CCSER1: variants seen among roughly 807,000 people sequenced by gnomAD.
The protein encoded by CCSER1 is coiled-coil serine rich protein 1.
In CCSER1, 41 loss-of-function variants were observed where a neutral mutation model predicts 82.0. The ratio of observed to expected loss-of-function variants is 0.50; its 90% CI spans 0.39 to 0.65. The LOEUF is 0.65. CCSER1 is among the 30% of genes least tolerant of loss of function. The pLI, the probability that CCSER1 is intolerant of heterozygous loss-of-function variation, is 0.00. For missense variants in CCSER1, 1,119 were observed against 1,064.2 expected, an observed-to-expected ratio of 1.05 and a Z score of -0.72; for synonymous variants, 414 against 383.9, an observed-to-expected ratio of 1.08 and a Z score of -0.92.
intron 1 of CCSER1, among the ~76,000 whole-genome samples, chr4:90,257,593 A>ATACATAGATACT (rs201142568): frequency 3.7e-4 from 57 of 152,046 alleles, no homozygotes; most frequent in East Asian, 1.8e-3. Context: ...AGATACTTAG[A>ATACATAGATACT]TAGATAAAGA....
intron 5 of CCSER1, among the ~76,000 whole-genome samples, chr4:90,578,732 T>A (rs1334657164): frequency 6.6e-6 from 1 of 152,138 alleles, no homozygotes; most frequent in African/African-American, 2.4e-5. Flanking sequence ...CATGGCCATA[T>A]TTGGGGGGGC....
At chr4:90,997,820 TGA>T (rs1251693068) in intron 9 of CCSER1, among the ~76,000 whole-genome samples, 2 of 152,160 alleles carry the variant, frequency 1.3e-5, no homozygotes, top group Non-Finnish European at 2.9e-5. Flanking sequence ...AAGGCTACAC[TGA>T]GAGAAAATAA....
At chr4:90,379,652 G>A (rs1287136441) in intron 3 of CCSER1, among the ~76,000 whole-genome samples, 2 of 152,108 alleles carry the variant, frequency 1.3e-5, no homozygotes, top group African/African-American at 4.8e-5. Context: ...TGTTATGACT[G>A]AAATCTATAA....
At chr4:90,935,296 A>T (rs1374147535) in intron 9 of CCSER1, among the ~76,000 whole-genome samples, 1 of 151,988 alleles carries the variant, frequency 6.6e-6, no homozygotes. Context: ...TTCTCACTCT[A>T]TGAGTTCCTG....
chr4:90,395,378 T>C (rs2153541341), intron 3 of CCSER1, among the ~76,000 whole-genome samples: 1 of 152,378 alleles, frequency 6.6e-6, no homozygotes, highest in Non-Finnish European at 1.5e-5. Context: ...TTTCTTTTCA[T>C]CTTTTTCTTG....
intron 5 of CCSER1, among the ~76,000 whole-genome samples, chr4:90,505,863 G>A (rs1770605668): frequency 6.6e-6 from 1 of 152,016 alleles, no homozygotes; most frequent in African/African-American, 2.4e-5. Flanking sequence ...TTATCAGTAT[G>A]GTCTTGTAAA....
intron 1 of CCSER1, among the ~76,000 whole-genome samples, chr4:90,225,467 G>T (rs910583572): frequency 2.0e-5 from 3 of 152,012 alleles, no homozygotes; most frequent in African/African-American, 7.3e-5. Context: ...CTCTTGAGTG[G>T]GACAGATTTC....
intron 7 of CCSER1, among the ~76,000 whole-genome samples, chr4:90,806,320 A>G (rs1469980296): frequency 6.6e-6 from 1 of 152,152 alleles, no homozygotes; most frequent in Admixed American, 6.5e-5. Context: ...GAGATTGTGA[A>G]CTCCTTCAGA....
rs768938443 is a variant in CCSER1 at position 91,598,673 on chromosome 4, C to T, written c.2319C>T (p.Asp773=). 6.4e-7 allele frequency: 1 copy of T among 1,551,384 alleles called. No homozygotes were observed. Among genetic ancestry groups the T allele is most frequent in the East Asian group, 2.4e-5 (1 of 40,904 alleles). ...TEDRFRYSAA[D]QTSPYKNKTC... Reference sequence around the variant, plus strand: ...ACCGTTTTAGGTATTCGGCAGCGGACCAGACAAGCCCCTACAAAAACAAGA... The same window carrying T: ...ACCGTTTTAGGTATTCGGCAGCGGATCAGACAAGCCCCTACAAAAACAAGA... Residue 773 remains aspartate, a synonymous_variant, in exon 11 of 11, where the codon GAC becomes GAT. Transcript: ENST00000509176.
At chr4:90,465,504 T>A (rs1763509113) in intron 4 of CCSER1, among the ~76,000 whole-genome samples, 1 of 152,112 alleles carries the variant, frequency 6.6e-6, no homozygotes, top group South Asian at 2.1e-4. Context: ...GTATTTTTAG[T>A]AGAGACAGGG....
At position 90,131,848 on chromosome 4, in the gene CCSER1, G is replaced by C. The variant is rs138215117; in HGVS notation, c.-42+4017G>C. Among the ~76,000 whole-genome samples the C allele has an allele frequency of 6.1e-3, 924 of 152,042 alleles. 17 individuals are homozygous for C. Among genetic ancestry groups the C allele is most frequent in the African/African-American group, 0.021 (870 of 41,470 alleles). On this transcript the variant is annotated intron_variant, in intron 1 of 10. Transcript: ENST00000509176. ...CCATGACCTGTCTCTAAACTTAGTT[G>C]TTTTTTTCTTTGTGTATATAGGTTG...
intron 1 of CCSER1, among the ~76,000 whole-genome samples, chr4:90,271,857 TATATA>T (rs1332378602): frequency 8.2e-3 from 264 of 32,066 alleles, no homozygotes; most frequent in Non-Finnish European, 0.01. Flanking sequence ...TATATATATA[TATATA>T]TTTTTTTTTT....
chr4:90,550,313 C>T (rs1482350450), intron 5 of CCSER1, among the ~76,000 whole-genome samples: 1 of 152,134 alleles, frequency 6.6e-6, no homozygotes, highest in Non-Finnish European at 1.5e-5. Flanking sequence ...ATTTATTGAA[C>T]ATGGAAATTC....
intron 3 of CCSER1, among the ~76,000 whole-genome samples, chr4:90,347,821 A>C (rs1352105844): frequency 3.9e-5 from 6 of 152,200 alleles, no homozygotes; most frequent in Non-Finnish European, 5.9e-5. Context: ...AGTAAAAGGC[A>C]AATGTATCAA....
chr4:90,241,324 T>C (rs563624653), intron 1 of CCSER1, among the ~76,000 whole-genome samples: 64 of 152,324 alleles, frequency 4.2e-4, no homozygotes, highest in Admixed American at 4.2e-3. Flanking sequence ...AACTATTATA[T>C]ATTATGTATA....
chr4:90,213,541 G>C (rs1740430506), intron 1 of CCSER1, among the ~76,000 whole-genome samples: 1 of 152,138 alleles, frequency 6.6e-6, no homozygotes, highest in African/African-American at 2.4e-5. Flanking sequence ...TGGCAGAGGG[G>C]TGTACATAAT....
chr4:90,182,887 C>T (rs1481312008), intron 1 of CCSER1, among the ~76,000 whole-genome samples: 2 of 151,626 alleles, frequency 1.3e-5, no homozygotes, highest in Admixed American at 6.6e-5. Context: ...TATTTTTTTA[C>T]TGATATTTGC....
At chr4:90,154,406 T>C (rs1246532189) in intron 1 of CCSER1, among the ~76,000 whole-genome samples, 4 of 152,240 alleles carry the variant, frequency 2.6e-5, no homozygotes, top group African/African-American at 9.6e-5. Context: ...TTTTTTTGAA[T>C]TCTGTGAAGA....
At chr4:91,510,479 C>T (rs1170861545) in intron 10 of CCSER1, among the ~76,000 whole-genome samples, 1 of 152,132 alleles carries the variant, frequency 6.6e-6, no homozygotes, top group African/African-American at 2.4e-5. Flanking sequence ...TTCTCCACAG[C>T]CTTACCAACA....
Sources: allele counts gnomAD v4.1 joint callset (sites outside exome capture counted in the v4.1 genomes callset), GRCh38; gene constraint gnomAD v4.1.1; transcripts MANE v1.5; gene names NCBI Gene and HGNC (gene_info 2026-07-23, HGNC 2026-07-21).